The following ARSB variants were observed in gnomAD, a reference collection of about 807,000 sequenced individuals.
ARSB encodes arylsulfatase B.
In ARSB, 41 loss-of-function variants were observed where a neutral mutation model predicts 50.9. That is an observed-to-expected ratio of 0.81 (90% CI 0.63 to 1.04). ARSB has a LOEUF of 1.04. Ranked by LOEUF, ARSB falls within the 50% of genes least tolerant of loss-of-function variation. The probability of loss-of-function intolerance (pLI) is 0.00; values close to 1 mark genes in which losing one functional copy is unlikely to be tolerated. For synonymous variants in ARSB, 269 were observed against 284.8 expected (o/e 0.94, Z 0.56); for missense variants, 672 against 693.3 (o/e 0.97, Z 0.35).
At chr5:78,863,609 G>A (rs1746558177) in intron 5 of ARSB, among the ~76,000 whole-genome samples, 1 of 141,968 alleles carries the variant, frequency 7.0e-6, no homozygotes, top group South Asian at 2.6e-4. Flanking sequence ...GCCTGTTGTG[G>A]GGTGGGGGGT....
At chr5:78,797,508 C>CA (rs557399001) in intron 6 of ARSB, among the ~76,000 whole-genome samples, 11 of 152,184 alleles carry the variant, frequency 7.2e-5, no homozygotes, top group Non-Finnish European at 1.6e-4. Context: ...GATGGTGCTC[C>CA]ACTCCTGTAT....
At chr5:78,843,214 T>C (rs1232684937) in intron 5 of ARSB, among the ~76,000 whole-genome samples, 1 of 152,184 alleles carries the variant, frequency 6.6e-6, no homozygotes, top group East Asian at 1.9e-4. Context: ...GATCCTGATG[T>C]ACTTGAACTG....
At chr5:78,968,899 C>CTCTGTGT (rs1349244456) in intron 2 of ARSB, 107 bp downstream of exon 2, 1 of 1,304,528 alleles carries the variant, frequency 7.7e-7, no homozygotes, top group Non-Finnish European at 1.1e-6. Context: ...GACTGATTCA[C>CTCTGTGT]TCTGTGTTCA....
chr5:78,963,658 C>A (rs560659196), intron 3 of ARSB, among the ~76,000 whole-genome samples: 3 of 152,208 alleles, frequency 2.0e-5, no homozygotes, highest in South Asian at 2.1e-4. Context: ...ACAAAATAAT[C>A]ATAATAATAA....
At chr5:78,899,793 T>G (rs1433015151) in intron 4 of ARSB, among the ~76,000 whole-genome samples, 1 of 152,214 alleles carries the variant, frequency 6.6e-6, no homozygotes, top group Non-Finnish European at 1.5e-5. Context: ...CAGAAGCTAA[T>G]AGTCGCCATC....
At chr5:78,899,591 G>T (rs979416343) in intron 4 of ARSB, among the ~76,000 whole-genome samples, 2 of 151,926 alleles carry the variant, frequency 1.3e-5, no homozygotes, top group African/African-American at 4.8e-5. Context: ...CCTCTGCTTG[G>T]CTCACTCTGC....
At chr5:78,908,887 C>T (rs1390388962) in intron 4 of ARSB, among the ~76,000 whole-genome samples, 4 of 152,058 alleles carry the variant, frequency 2.6e-5, no homozygotes, top group South Asian at 4.2e-4. Context: ...TTTGGCTAGA[C>T]CTTGAATTTC....
At chr5:78,797,230 G>A (rs983076642) in intron 6 of ARSB, among the ~76,000 whole-genome samples, 2 of 152,104 alleles carry the variant, frequency 1.3e-5, no homozygotes, top group East Asian at 1.9e-4. Flanking sequence ...CGAAAGTGCC[G>A]GGATTACAGG....
At position 78,834,629 on chromosome 5, in the gene ARSB, A is replaced by G. The variant is rs1411808892; in HGVS notation, c.1213+4727T>C. ...TGTGTATATATATATATATATATAT[A>G]TATATATATATATATATGCCACATT... On this transcript the variant is annotated intron_variant, in intron 6 of 7. Transcript: ENST00000264914. Among the ~76,000 whole-genome samples, 48 of 129,584 alleles carry G rather than the reference A, an allele frequency of 3.7e-4. 1 individual carries two copies. Among genetic ancestry groups the G allele is most frequent in the Non-Finnish European group, 5.0e-4 (32 of 64,586 alleles). 85.0% of individuals were successfully genotyped at this position (129,584 alleles called of 152,430 possible).
chr5:78,840,881 C>A (rs925121005), intron 5 of ARSB, among the ~76,000 whole-genome samples: 1 of 152,006 alleles, frequency 6.6e-6, no homozygotes, highest in Non-Finnish European at 1.5e-5. Flanking sequence ...GTCCAAAATG[C>A]CAGGAACTAC....
intron 5 of ARSB, among the ~76,000 whole-genome samples, chr5:78,880,096 C>T (rs990926951): frequency 6.6e-6 from 1 of 152,228 alleles, no homozygotes; most frequent in Middle Eastern, 3.4e-3. Context: ...GAAGAACGTG[C>T]CCCTGTTCCA....
intron 5 of ARSB, among the ~76,000 whole-genome samples, chr5:78,862,192 G>A (rs556187371): frequency 6.8e-4 from 104 of 152,182 alleles, no homozygotes; most frequent in African/African-American, 2.3e-3. Flanking sequence ...CATACTGCCC[G>A]AGGTAATTTA....
At chr5:78,817,340 T>C (rs1475711011) in intron 6 of ARSB, among the ~76,000 whole-genome samples, 1 of 152,234 alleles carries the variant, frequency 6.6e-6, no homozygotes, top group Non-Finnish European at 1.5e-5. Context: ...GCCTCTATCC[T>C]TGAGCTATAT....
chr5:78,978,732 G>A (rs1273883288), intron 1 of ARSB, among the ~76,000 whole-genome samples: 1 of 152,120 alleles, frequency 6.6e-6, no homozygotes, highest in Non-Finnish European at 1.5e-5. Context: ...AGGGTGCAAA[G>A]GGTGCAATGA....
chr5:78,855,730 G>C (rs561101343), intron 5 of ARSB, among the ~76,000 whole-genome samples: 18 of 152,156 alleles, frequency 1.2e-4, no homozygotes, highest in Non-Finnish European at 2.2e-4. Flanking sequence ...GGATTGCAGG[G>C]GACCCCAGTG....
chr5:78,850,032 T>C (rs1394416443), intron 5 of ARSB, among the ~76,000 whole-genome samples: 2 of 151,754 alleles, frequency 1.3e-5, no homozygotes, highest in Non-Finnish European at 2.9e-5. Context: ...CTTCCTCTTT[T>C]CCTAATTGAA....
chr5:78,972,884 G>A (rs1752519476), intron 1 of ARSB, among the ~76,000 whole-genome samples: 1 of 152,218 alleles, frequency 6.6e-6, no homozygotes, highest in African/African-American at 2.4e-5. Flanking sequence ...ATATGGAGCA[G>A]GGAATGTGTT....
Position 78,885,648 on chromosome 5 carries a change from G to A in ARSB, c.1078C>T (p.Leu360=), listed in dbSNP as rs140923667. 265 of 1,614,148 alleles carry A rather than the reference G, an allele frequency of 1.6e-4. No individual in the cohort carries two copies. The African/African-American group carries it at 2.5e-3, about 15-fold the overall frequency. Residue 360 remains leucine, a synonymous_variant, in exon 5 of 8, where the codon CTG becomes TTG. Coordinates refer to ENST00000264914, the MANE Select transcript of ARSB (RefSeq NM_000046.5). ...ISDWLPTLVK[L]ARGHTNGTKP... ...GTGCCATTGGTGTGTCCCCTGGCCA[G>A]CTTCACGAGTGTTGGCAGCCAGTCA... is the stretch of plus-strand genomic sequence containing the variant.
chr5:78,863,666 T>A (rs557297554), intron 5 of ARSB, among the ~76,000 whole-genome samples: 1 of 152,058 alleles, frequency 6.6e-6, no homozygotes, highest in African/African-American at 2.4e-5. Flanking sequence ...AAATGATGTG[T>A]TAATGGGTGC....
Sources: gnomAD v4.1 joint callset for allele counts (sites outside exome capture counted in the v4.1 genomes callset) on GRCh38, gnomAD v4.1.1 for gene constraint, MANE v1.5 for transcripts, NCBI Gene and HGNC (gene_info 2026-07-23, HGNC 2026-07-21) for gene names.